The following CDH8 variants were observed in gnomAD, a reference collection of about 807,000 sequenced individuals.
The protein encoded by CDH8 is cadherin 8.
In CDH8, 17 loss-of-function variants were observed where a neutral mutation model predicts 68.1. The ratio of observed to expected loss-of-function variants is 0.25; its 90% CI spans 0.17 to 0.37. The LOEUF (loss-of-function observed/expected upper bound fraction) is 0.37. Ranked by LOEUF, CDH8 falls within the 10% of genes least tolerant of loss-of-function variation. CDH8 has a pLI of 1.00. For synonymous variants in CDH8, 372 were observed against 365.1 expected, an observed-to-expected ratio of 1.02 and a Z score of -0.21; for missense variants, 763 against 999.3, an observed-to-expected ratio of 0.76 and a Z score of 3.19.
chr16:62,035,311 A>G (rs573202533), intron 1 of CDH8, among the ~76,000 whole-genome samples: 85 of 152,254 alleles, frequency 5.6e-4, no homozygotes, highest in African/African-American at 1.9e-3. Context: ...AGCTGTCCCT[A>G]GGAGAGCGGC....
At chr16:61,782,173 G>A (rs1567467920) in intron 8 of CDH8, among the ~76,000 whole-genome samples, 1 of 152,176 alleles carries the variant, frequency 6.6e-6, no homozygotes, top group Non-Finnish European at 1.5e-5. Flanking sequence ...TTCCATCTGA[G>A]GTACCGGGTT....
chr16:61,738,501 A>G (rs953528420), intron 8 of CDH8, among the ~76,000 whole-genome samples: 7 of 152,178 alleles, frequency 4.6e-5, no homozygotes, highest in Non-Finnish European at 8.8e-5. Context: ...TCCGATGGGG[A>G]AAAGATTTAG....
chr16:61,707,673 AT>A (rs1485346021), intron 10 of CDH8, among the ~76,000 whole-genome samples: 1 of 152,214 alleles, frequency 6.6e-6, no homozygotes, highest in Non-Finnish European at 1.5e-5. Flanking sequence ...TGTTGTATCT[AT>A]AAAGTGCTGA....
At chr16:61,964,822 G>C (rs986399352) in intron 2 of CDH8, among the ~76,000 whole-genome samples, 1 of 152,114 alleles carries the variant, frequency 6.6e-6, no homozygotes, top group Non-Finnish European at 1.5e-5. Context: ...GCTTTGTAGA[G>C]AATAGATTGA....
In CDH8 at chr16:61,782,408, C is replaced by T. The variant is rs573575321; in HGVS notation, c.1414+6938G>A. 3.2e-4 allele frequency among the ~76,000 whole-genome samples: 48 copies of T among 152,074 alleles called. No individual in the cohort carries two copies. In the East Asian group the frequency reaches 8.2e-3, roughly 26 times the overall value. On this transcript the variant is annotated intron_variant, in intron 8 of 11. Transcript: ENST00000577390. ...GCTTAAAAAACGGCGCACCACGAGA[C>T]TATATCCCACACCTGGCTCGGAGGG...
chr16:61,997,219 G>A (rs894924721), intron 2 of CDH8, among the ~76,000 whole-genome samples: 10 of 152,074 alleles, frequency 6.6e-5, no homozygotes, highest in South Asian at 2.1e-4. Context: ...ACAATATTCC[G>A]CAATCCTGCC....
At chr16:62,002,992 C>G (rs898274619) in intron 2 of CDH8, among the ~76,000 whole-genome samples, 1 of 152,006 alleles carries the variant, frequency 6.6e-6, no homozygotes. Flanking sequence ...GCGGAACTTG[C>G]AGTGAGCAGA....
At chr16:61,884,547 T>C (rs1339061752) in intron 3 of CDH8, among the ~76,000 whole-genome samples, 1 of 151,948 alleles carries the variant, frequency 6.6e-6, no homozygotes, top group African/African-American at 2.4e-5. Flanking sequence ...CTAATTTTTG[T>C]ATTTTTAGTA....
intron 2 of CDH8, among the ~76,000 whole-genome samples, chr16:61,941,761 G>GT (rs2032081488): frequency 6.6e-6 from 1 of 152,122 alleles, no homozygotes; most frequent in African/African-American, 2.4e-5. Flanking sequence ...GTTTTGTTTT[G>GT]TTTTGCTTTT....
intron 8 of CDH8, among the ~76,000 whole-genome samples, chr16:61,774,274 T>C (rs1960851649): frequency 6.6e-6 from 1 of 151,842 alleles, no homozygotes; most frequent in Admixed American, 6.6e-5. Context: ...CCAGAGTCCT[T>C]AGGGAAACAG....
chr16:61,964,586 G>C (rs1567548499), intron 2 of CDH8, among the ~76,000 whole-genome samples: 1 of 151,660 alleles, frequency 6.6e-6, no homozygotes, highest in Middle Eastern at 3.4e-3. Flanking sequence ...AGGTTATTCC[G>C]GGACCTGCTG....
At chr16:61,781,698 T>G (rs1961060677) in intron 8 of CDH8, among the ~76,000 whole-genome samples, 1 of 152,220 alleles carries the variant, frequency 6.6e-6, no homozygotes, top group African/African-American at 2.4e-5. Context: ...AGACTGGATT[T>G]TTTTGAGCTT....
chr16:61,916,429 T>C (rs988940121), intron 2 of CDH8, among the ~76,000 whole-genome samples: 6 of 152,124 alleles, frequency 3.9e-5, no homozygotes, highest in Non-Finnish European at 8.8e-5. Context: ...GCAGGGGAAC[T>C]GCTTGAACCC....
intron 8 of CDH8, among the ~76,000 whole-genome samples, chr16:61,744,749 AT>A (rs1959970644): frequency 6.6e-6 from 1 of 151,384 alleles, no homozygotes; most frequent in Non-Finnish European, 1.5e-5. Context: ...TCATATACAT[AT>A]CCTTGATTCA....
intron 2 of CDH8, among the ~76,000 whole-genome samples, chr16:61,998,174 A>T (rs897984499): frequency 3.3e-5 from 5 of 152,216 alleles, no homozygotes; most frequent in African/African-American, 1.2e-4. Flanking sequence ...GCATGAAAAG[A>T]TAATTAGGAA....
At chr16:61,932,135 A>C (rs1181173475) in intron 2 of CDH8, among the ~76,000 whole-genome samples, 2 of 150,638 alleles carry the variant, frequency 1.3e-5, no homozygotes, top group Non-Finnish European at 3.0e-5. Flanking sequence ...TGAACCCGGG[A>C]GGCGGAGCTT....
At chr16:61,989,549 G>C (rs1965682756) in intron 2 of CDH8, among the ~76,000 whole-genome samples, 1 of 152,162 alleles carries the variant, frequency 6.6e-6, no homozygotes, top group South Asian at 2.1e-4. Context: ...TCCATCTCAA[G>C]TCTCCTGGAA....
intron 10 of CDH8, among the ~76,000 whole-genome samples, chr16:61,684,704 G>A (rs1482498789): frequency 6.6e-6 from 1 of 151,940 alleles, no homozygotes; most frequent in African/African-American, 2.4e-5. Context: ...GTGCTGACCT[G>A]ACAGTTCCTT....
intron 10 of CDH8, among the ~76,000 whole-genome samples, chr16:61,694,744 T>C (rs1366347107): frequency 6.6e-6 from 1 of 152,024 alleles, no homozygotes; most frequent in Non-Finnish European, 1.5e-5. Context: ...TAAACAAACA[T>C]CTCTATTACC....
Sources: gnomAD v4.1 joint callset for allele counts (sites outside exome capture counted in the v4.1 genomes callset) on GRCh38, gnomAD v4.1.1 for gene constraint, MANE v1.5 for transcripts, NCBI Gene and HGNC (gene_info 2026-07-23, HGNC 2026-07-21) for gene names.